The following NEK7 variants were observed in gnomAD, a reference collection of about 807,000 sequenced individuals.
The protein encoded by NEK7 is serine/threonine-protein kinase Nek7.
NEK7 carries 18 observed loss-of-function variants against 44.6 expected under a neutral mutation model. That is an observed-to-expected ratio of 0.40 (90% CI 0.28 to 0.60). The LOEUF (loss-of-function observed/expected upper bound fraction) is 0.60. NEK7 is among the 20% of genes least tolerant of loss of function. NEK7 has a pLI of 0.38. For synonymous variants in NEK7, 130 were observed against 121.1 expected (o/e 1.07, Z -0.48); for missense variants, 256 against 366.5 (o/e 0.70, Z 2.46).
chr1:198,229,332 A>G (rs1249195318), intron 1 of NEK7, among the ~76,000 whole-genome samples: 2 of 152,062 alleles, frequency 1.3e-5, no homozygotes, highest in South Asian at 2.1e-4. Context: ...CTCTATCCTT[A>G]TGCTTTGTAA....
chr1:198,180,978 A>C (rs2102743412), intron 1 of NEK7, among the ~76,000 whole-genome samples: 2 of 152,214 alleles, frequency 1.3e-5, no homozygotes, highest in East Asian at 3.9e-4. Flanking sequence ...CTATGTGGAA[A>C]AGGTCAAAAT....
intron 2 of NEK7, among the ~76,000 whole-genome samples, chr1:198,243,156 A>G (rs1008970206): frequency 1.3e-5 from 2 of 152,118 alleles, no homozygotes; most frequent in African/African-American, 4.8e-5. Flanking sequence ...GTCTCTGTGT[A>G]AATGTTACAT....
At chr1:198,217,855 A>C (rs998700000) in intron 1 of NEK7, among the ~76,000 whole-genome samples, 1 of 151,478 alleles carries the variant, frequency 6.6e-6, no homozygotes, top group Non-Finnish European at 1.5e-5. Context: ...AAAAAAAAAA[A>C]AGCCCCAAGC....
rs370280502 is a variant in NEK7 at position 198,268,694 on chromosome 1, T to C, written c.372+4459T>C. On this transcript the variant is annotated intron_variant, in intron 5 of 9. Transcript: ENST00000367385. ...GTAAAGACTAAAATGTTTGGCAAGA[T>C]TCAGCAAGCCTTGTGTGATACAGAA... Among the ~76,000 whole-genome samples, 4 of 152,266 alleles carry C rather than the reference T, an allele frequency of 2.6e-5. No individual in the cohort carries two copies. The East Asian group carries it at 7.7e-4, about 29-fold the overall frequency.
intron 1 of NEK7, among the ~76,000 whole-genome samples, chr1:198,159,667 C>T (rs184441616): frequency 9.8e-4 from 149 of 152,248 alleles, no homozygotes; most frequent in African/African-American, 3.5e-3. Flanking sequence ...TTAGATAATA[C>T]ATGTAGCACC....
intron 1 of NEK7, among the ~76,000 whole-genome samples, chr1:198,177,134 G>A (rs1228255341): frequency 1.3e-5 from 2 of 152,134 alleles, no homozygotes; most frequent in African/African-American, 4.8e-5. Flanking sequence ...AACGATAAAA[G>A]TAGATAAAAT....
intron 1 of NEK7, among the ~76,000 whole-genome samples, chr1:198,158,165 C>G (rs1256909093): frequency 6.6e-6 from 1 of 152,164 alleles, no homozygotes; most frequent in African/African-American, 2.4e-5. Context: ...CGTGTTCTCA[C>G]CTTGCTGTAG....
chr1:198,219,937 G>C (rs567963880), intron 1 of NEK7, among the ~76,000 whole-genome samples: 1 of 83,852 alleles, frequency 1.2e-5, no homozygotes, highest in South Asian at 5.8e-4. Flanking sequence ...TTTGGGGCGG[G>C]GGGTGGGGTG....
intron 1 of NEK7, among the ~76,000 whole-genome samples, chr1:198,212,715 C>A (rs1665810768): frequency 6.6e-6 from 1 of 152,206 alleles, no homozygotes; most frequent in Admixed American, 6.5e-5. Flanking sequence ...GCCTGAAATA[C>A]CAGAGTACCA....
At chr1:198,221,328 GTT>G (rs1370449578) in intron 1 of NEK7, among the ~76,000 whole-genome samples, 2 of 151,810 alleles carry the variant, frequency 1.3e-5, no homozygotes, top group African/African-American at 4.8e-5. Flanking sequence ...TAAAAGTTGA[GTT>G]TGAAAGATTA....
intron 1 of NEK7, among the ~76,000 whole-genome samples, chr1:198,229,671 G>GTGATTGTTGTATGAAAGCT (rs1483834104): frequency 1.3e-5 from 2 of 152,188 alleles, no homozygotes; most frequent in African/African-American, 2.4e-5. Flanking sequence ...AAGTCTTATT[G>GTGATTGTTGTATGAAAGCT]TGATTGTTGT....
At chr1:198,211,734 G>A (rs1665777418) in intron 1 of NEK7, among the ~76,000 whole-genome samples, 1 of 152,154 alleles carries the variant, frequency 6.6e-6, no homozygotes, top group Non-Finnish European at 1.5e-5. Context: ...CAAGATGGCG[G>A]ACTGGAGGCA....
At chr1:198,158,181 A>C (rs1210608618) in intron 1 of NEK7, among the ~76,000 whole-genome samples, 1 of 152,176 alleles carries the variant, frequency 6.6e-6, no homozygotes, top group African/African-American at 2.4e-5. Flanking sequence ...TGTAGTCCTC[A>C]CTGGGGAGAA....
At chr1:198,240,549 T>C (rs1323211435) in intron 2 of NEK7, among the ~76,000 whole-genome samples, 2 of 151,990 alleles carry the variant, frequency 1.3e-5, no homozygotes, top group South Asian at 2.1e-4. Flanking sequence ...GATGAGATCA[T>C]TGTTTTTTTG....
At chr1:198,229,448 A>C (rs919218484) in intron 1 of NEK7, among the ~76,000 whole-genome samples, 1 of 152,186 alleles carries the variant, frequency 6.6e-6, no homozygotes, top group African/African-American at 2.4e-5. Context: ...CCCCAACTTG[A>C]CGTGGGTTGG....
chr1:198,260,836 T>C (rs1653437858), intron 3 of NEK7, among the ~76,000 whole-genome samples: 1 of 152,210 alleles, frequency 6.6e-6, no homozygotes, highest in East Asian at 1.9e-4. Context: ...ATTTTCACTA[T>C]GCAAAAAGCA....
rs551780052 is a variant in NEK7 at position 198,270,658 on chromosome 1, C to T, written c.372+6423C>T. 1.1e-3 allele frequency among the ~76,000 whole-genome samples: 167 copies of T among 152,142 alleles called. 1 individual carries two copies. The highest frequency in any genetic ancestry group is 3.7e-3 in the African/African-American group (155 of 41,538). ...TTCTACCTTGTTACCACCTGTAGGT[C>T]ATTCCTTCTAAATTTGCTAGGAGCC... On this transcript the variant is annotated intron_variant, in intron 5 of 9. Coordinates refer to ENST00000367385, the MANE Select transcript of NEK7 (RefSeq NM_133494.3).
intron 3 of NEK7, among the ~76,000 whole-genome samples, chr1:198,255,413 G>A (rs578192628): frequency 6.6e-6 from 1 of 152,098 alleles, no homozygotes; most frequent in African/African-American, 2.4e-5. Context: ...CTGATTCTGA[G>A]TGTGGAAAAC....
intron 5 of NEK7, among the ~76,000 whole-genome samples, chr1:198,276,493 G>A (rs894201362): frequency 6.6e-6 from 1 of 151,614 alleles, no homozygotes; most frequent in Non-Finnish European, 1.5e-5. Context: ...AACTGATTTT[G>A]TAGCATTGCC....
Sources: allele counts gnomAD v4.1 joint callset (sites outside exome capture counted in the v4.1 genomes callset), GRCh38; gene constraint gnomAD v4.1.1; transcripts MANE v1.5; gene names NCBI Gene and HGNC (gene_info 2026-07-23, HGNC 2026-07-21).